ASIP: variants seen among roughly 807,000 people sequenced by gnomAD.
ASIP encodes the protein agouti signaling protein.
ASIP carries 11 observed loss-of-function variants against 10.3 expected under a neutral mutation model. The ratio of observed to expected loss-of-function variants is 1.07; its 90% CI spans 0.68 to 1.78. The LOEUF is 1.78. Ranked by LOEUF, ASIP falls within the 40% of genes most tolerant of loss-of-function variation. The pLI is 0.00. For missense variants in ASIP, 180 were observed against 169.2 expected, an observed-to-expected ratio of 1.06 and a Z score of -0.35; for synonymous variants, 70 against 70.8, an observed-to-expected ratio of 0.99 and a Z score of 0.06.
At chr20:34,243,808 T>TA (rs1421468114) in intron 1 of ASIP, among the ~76,000 whole-genome samples, 1 of 150,468 alleles carries the variant, frequency 6.6e-6, no homozygotes, top group Non-Finnish European at 1.5e-5. Flanking sequence ...CTCACGCCTG[T>TA]AATCCCAGCA....
chr20:34,234,610 T>C (rs1344934284), intron 1 of ASIP, among the ~76,000 whole-genome samples: 1 of 152,094 alleles, frequency 6.6e-6, no homozygotes, highest in Non-Finnish European at 1.5e-5. Context: ...TAAACCAGCC[T>C]GACCAACATG....
intron 1 of ASIP, among the ~76,000 whole-genome samples, chr20:34,206,305 A>AT (rs1245401944): frequency 6.6e-6 from 1 of 152,056 alleles, no homozygotes; most frequent in African/African-American, 2.4e-5. Flanking sequence ...CTCGAATTGT[A>AT]TTTTTGTATT....
chr20:34,210,315 G>A (rs539037840), intron 1 of ASIP, among the ~76,000 whole-genome samples: 47 of 152,312 alleles, frequency 3.1e-4, no homozygotes, highest in African/African-American at 1.1e-3. Flanking sequence ...CTCCGTCTTT[G>A]GGGCCCTGTG....
Position 34,214,139 on chromosome 20 carries a change from C to G in ASIP, c.-11+19379C>G, listed in dbSNP as rs1475240557. ...GGTGGCCATTCTCAGGTGGAGAAAG[C>G]TTTAATAAATCTTGTATTCTATTCA... On this transcript the variant is annotated intron_variant, in intron 1 of 3. Coordinates refer to the ASIP transcript ENST00000568305. 4 of 1,168,044 alleles carry G rather than the reference C, an allele frequency of 3.4e-6. No homozygotes were observed. The African/African-American group carries it at 6.0e-5, about 18-fold the overall frequency. The allele number at this position is 1,168,044 out of a possible 1,614,324, so 72.4% of individuals were successfully genotyped here. A position where few individuals can be genotyped will look rare whatever the true frequency, so the allele number is the denominator to read the frequency against.
chr20:34,246,539 C>A, intron 1 of ASIP: 1 of 1,006,826 alleles, frequency 9.9e-7, no homozygotes, highest in South Asian at 1.3e-5. Flanking sequence ...AATCTCAGCT[C>A]ACTGCAACCT....
chr20:34,217,318 G>C (rs1027946527), intron 1 of ASIP, among the ~76,000 whole-genome samples: 1 of 151,518 alleles, frequency 6.6e-6, no homozygotes, highest in Non-Finnish European at 1.5e-5. Context: ...GGTGCCTGTA[G>C]TCCCAGTTAC....
chr20:34,215,144 C>A (rs1379762268), intron 1 of ASIP: 2 of 1,588,904 alleles, frequency 1.3e-6, no homozygotes, highest in East Asian at 4.5e-5. Context: ...TTATTTACAA[C>A]TTCAAATAAA....
chr20:34,210,699 C>T (rs971563151), intron 1 of ASIP, among the ~76,000 whole-genome samples: 1 of 152,136 alleles, frequency 6.6e-6, no homozygotes, highest in South Asian at 2.1e-4. Flanking sequence ...AGTGACACCC[C>T]GAGGATCCTG....
At position 34,214,076 on chromosome 20, in the gene ASIP, CAT is replaced by C. The variant is rs1335121497; in HGVS notation, c.-11+19318_-11+19319del. Reference sequence around the variant, plus strand: ...TTAACAATCATCACTCCAACTGTCTCATAAATAAAATTTGATCATCGCTGCTC... The same window carrying C: ...TTAACAATCATCACTCCAACTGTCTCAAATAAAATTTGATCATCGCTGCTC... On this transcript the variant is annotated intron_variant, in intron 1 of 3. Coordinates refer to the ASIP transcript ENST00000568305. 2.4e-6 allele frequency: 3 copies of C among 1,240,332 alleles called. No individual in the cohort carries two copies. The African/African-American group carries it at 4.5e-5, about 18-fold the overall frequency. The allele number at this position is 1,240,332 out of a possible 1,614,324, so 76.8% of individuals were successfully genotyped here. A position where few individuals can be genotyped will look rare whatever the true frequency, so the allele number is the denominator to read the frequency against.
intron 1 of ASIP, among the ~76,000 whole-genome samples, chr20:34,223,345 C>T (rs2035065171): frequency 1.3e-5 from 2 of 149,918 alleles, no homozygotes; most frequent in East Asian, 4.1e-4. Flanking sequence ...TGAGGAGCGT[C>T]TCTGCCCAGC....
intron 1 of ASIP, among the ~76,000 whole-genome samples, chr20:34,254,291 G>A (rs2035533070): frequency 6.6e-6 from 1 of 152,206 alleles, no homozygotes; most frequent in South Asian, 2.1e-4. Context: ...TCGAACTCCT[G>A]ACCTCAGGTG....
chr20:34,266,971 A>G (rs2035797324), intron 3 of ASIP, among the ~76,000 whole-genome samples: 1 of 152,136 alleles, frequency 6.6e-6, no homozygotes, highest in African/African-American at 2.4e-5. Context: ...GGAGCACTGG[A>G]TTAGGTATTA....
At chr20:34,208,322 T>C (rs1370977483) in intron 1 of ASIP, among the ~76,000 whole-genome samples, 1 of 152,120 alleles carries the variant, frequency 6.6e-6, no homozygotes, top group Non-Finnish European at 1.5e-5. Context: ...TTTAAAAATA[T>C]TTTTGTGAAG....
At chr20:34,195,194 C>T (rs1052000250) in intron 1 of ASIP, among the ~76,000 whole-genome samples, 9 of 151,646 alleles carry the variant, frequency 5.9e-5, no homozygotes, top group Non-Finnish European at 1.2e-4. Flanking sequence ...CCCTACTGAG[C>T]TGTAGGAATG....
chr20:34,235,559 C>T (rs2035169558), intron 1 of ASIP, among the ~76,000 whole-genome samples: 1 of 152,028 alleles, frequency 6.6e-6, no homozygotes, highest in Non-Finnish European at 1.5e-5. Context: ...GACCAGGCAA[C>T]AGAAGTATAT....
upstream of ASIP, among the ~76,000 whole-genome samples, chr20:34,237,830 C>A (rs1177195501): frequency 6.6e-6 from 1 of 152,030 alleles, no homozygotes; most frequent in Non-Finnish European, 1.5e-5. Flanking sequence ...TCCTCCTATT[C>A]CTAGTTTGTG....
chr20:34,257,487 T>C (rs2035593876), intron 1 of ASIP, among the ~76,000 whole-genome samples: 3 of 152,198 alleles, frequency 2.0e-5, no homozygotes, highest in Admixed American at 6.5e-5. Flanking sequence ...AGCTAAAAAT[T>C]AAAAACAATA....
chr20:34,218,903 T>A (rs1048404280), intron 1 of ASIP, among the ~76,000 whole-genome samples: 11 of 152,028 alleles, frequency 7.2e-5, no homozygotes, highest in African/African-American at 2.4e-4. Flanking sequence ...GACCTCGTGA[T>A]CCTCCCACCT....
intron 3 of ASIP, among the ~76,000 whole-genome samples, chr20:34,265,804 G>C (rs910127504): frequency 1.3e-5 from 2 of 151,932 alleles, no homozygotes; most frequent in Admixed American, 1.3e-4. Flanking sequence ...ACAAAAATTA[G>C]CTGGGTATGG....
Sources: gnomAD v4.1 joint callset for allele counts (sites outside exome capture counted in the v4.1 genomes callset) on GRCh38, gnomAD v4.1.1 for gene constraint, MANE v1.5 for transcripts, NCBI Gene and HGNC (gene_info 2026-07-23, HGNC 2026-07-21) for gene names.